Variants in CCDC171 observed in about 807,000 individuals in gnomAD.
The protein encoded by CCDC171 is coiled-coil domain containing 171.
CCDC171 carries 177 observed loss-of-function variants against 168.2 expected under a neutral mutation model. That is an observed-to-expected ratio of 1.05 (90% CI 0.93 to 1.19). CCDC171 has a LOEUF of 1.19. Among genes scored for constraint, CCDC171 ranks in the 50% most tolerant of loss-of-function variants. The pLI is 0.00. For missense variants in CCDC171, 1,991 were observed against 1,539.0 expected (o/e 1.29, Z -4.91); for synonymous variants, 687 against 540.8 (o/e 1.27, Z -3.75).
chr9:15,575,263 T>C (rs2131157508), intron 3 of CCDC171, among the ~76,000 whole-genome samples: 1 of 149,798 alleles, frequency 6.7e-6, no homozygotes, highest in South Asian at 2.1e-4. Flanking sequence ...CTCGAACTCC[T>C]GGACTCAAGT....
intron 10 of CCDC171, among the ~76,000 whole-genome samples, chr9:15,692,010 C>T (rs540958157): frequency 9.9e-5 from 15 of 152,268 alleles, no homozygotes; most frequent in Non-Finnish European, 2.1e-4. Context: ...TGCTAATTTC[C>T]AGAAGTCTCT....
rs776290732 is a variant in CCDC171 at position 15,958,124 on chromosome 9, A to T, written c.3754-13485A>T. ...CATTAACTCACTCATCCATTCATTC[A>T]TTCATTCATTCATTCATTCATTCAT... On this transcript the variant is annotated intron_variant, in intron 25 of 25. Coordinates refer to ENST00000380701, the MANE Select transcript of CCDC171 (RefSeq NM_173550.4). Among the ~76,000 whole-genome samples, 4 of 151,796 alleles carry T rather than the reference A, an allele frequency of 2.6e-5. No homozygotes were observed. In the East Asian group the frequency reaches 7.7e-4, roughly 29 times the overall value.
At chr9:15,697,955 A>G (rs76150080) in intron 11 of CCDC171, among the ~76,000 whole-genome samples, 134 of 152,340 alleles carry the variant, frequency 8.8e-4, no homozygotes, top group African/African-American at 3.1e-3. Context: ...TCATCAAATC[A>G]GGGTATTTAA....
chr9:15,569,746 C>T (rs1052535873), intron 2 of CCDC171, among the ~76,000 whole-genome samples: 5 of 151,074 alleles, frequency 3.3e-5, no homozygotes, highest in Non-Finnish European at 7.4e-5. Flanking sequence ...ACCCGGGAGG[C>T]GGAGCTTGCA....
rs762167760 is a variant in CCDC171, at chr9:15,727,875, C to A, written c.1699C>A (p.Leu567Ile). 6.3e-7 allele frequency: 1 copy of A among 1,599,840 alleles called. No individual in the cohort carries two copies. Among genetic ancestry groups the A allele is most frequent in the Non-Finnish European group, 8.5e-7 (1 of 1,174,716 alleles). ...TCTTTTTTTTTTCCTGCAGGAGAAG[C>A]TAACCTTCCTTCACACCTTATATCA... ...QAFHKDAEEK[L>I]TFLHTLYQHL... is the part of the protein sequence containing the mutation. The change falls in exon 15 of 26, where the codon CTA (leucine) becomes ATA (isoleucine). Residue 567 changes from leucine to isoleucine, a missense_variant. By Grantham distance (5) the Leu-to-Ile change is conservative (BLOSUM62 2). Coordinates refer to ENST00000380701, the MANE Select transcript of CCDC171 (RefSeq NM_173550.4).
intron 21 of CCDC171, among the ~76,000 whole-genome samples, chr9:15,813,599 C>A (rs1426134646): frequency 7.3e-6 from 1 of 136,618 alleles, no homozygotes; most frequent in Non-Finnish European, 1.6e-5. Context: ...CATACTTTTA[C>A]ATGTATTTGT....
chr9:15,645,971 A>T (rs1244493836), intron 7 of CCDC171, among the ~76,000 whole-genome samples: 1 of 152,166 alleles, frequency 6.6e-6, no homozygotes, highest in African/African-American at 2.4e-5. Context: ...TGAAATGAAG[A>T]TAAAAATGTT....
chr9:15,580,200 C>G (rs1425057720), intron 4 of CCDC171, among the ~76,000 whole-genome samples: 1 of 152,076 alleles, frequency 6.6e-6, no homozygotes, highest in East Asian at 1.9e-4. Flanking sequence ...TTATCTCTCA[C>G]CTTATATAAA....
At position 15,738,261 on chromosome 9, in the gene CCDC171, G is replaced by C. The variant is rs548287629; in HGVS notation, c.2050-6012G>C. Among the ~76,000 whole-genome samples the C allele has an allele frequency of 5.3e-5, 8 of 152,210 alleles. No individual in the cohort carries two copies. In the East Asian group the frequency reaches 1.4e-3, roughly 26 times the overall value. On this transcript the variant is annotated intron_variant, in intron 16 of 25. Coordinates refer to ENST00000380701, the MANE Select transcript of CCDC171 (RefSeq NM_173550.4). ...GTAAGCCAGTAAGGCATCCCTCAAA[G>C]TTCATGTATTTCAGGAAGTAAGTCC... is the stretch of plus-strand genomic sequence containing the variant.
At chr9:16,035,364 T>A (rs923348180) in intron 6 of CCDC171, 1 of 152,238 alleles carries the variant, frequency 6.6e-6, no homozygotes, top group Non-Finnish European at 1.5e-5. Flanking sequence ...AAATCTCTTA[T>A]GCAGTTATGT....
chr9:15,795,612 C>T (rs1392500782), intron 21 of CCDC171, among the ~76,000 whole-genome samples: 1 of 152,094 alleles, frequency 6.6e-6, no homozygotes, highest in Non-Finnish European at 1.5e-5. Context: ...AGCTGGAGGC[C>T]AGAGTTGATA....
chr9:15,671,198 T>TTGTG (rs2049083281), intron 9 of CCDC171, among the ~76,000 whole-genome samples: 1 of 152,198 alleles, frequency 6.6e-6, no homozygotes, highest in African/African-American at 2.4e-5. Flanking sequence ...AATCACTTAT[T>TTGTG]AAATTATTTG....
intron 7 of CCDC171, among the ~76,000 whole-genome samples, chr9:15,640,323 A>G (rs1326379417): frequency 1.3e-5 from 2 of 152,094 alleles, no homozygotes; most frequent in Non-Finnish European, 2.9e-5. Context: ...ACAAAGCAGC[A>G]TTAATTTTGT....
intron 6 of CCDC171, among the ~76,000 whole-genome samples, chr9:15,601,065 C>G (rs548886693): frequency 1.2e-4 from 19 of 152,310 alleles, no homozygotes; most frequent in African/African-American, 4.6e-4. Flanking sequence ...AGGGAATTCC[C>G]TGACCCCTTG....
intron 4 of CCDC171, among the ~76,000 whole-genome samples, chr9:15,582,353 GT>G (rs1428014008): frequency 6.6e-6 from 1 of 152,102 alleles, no homozygotes; most frequent in African/African-American, 2.4e-5. Flanking sequence ...TAGTTAAACT[GT>G]TGTGGAAGAC....
At chr9:15,567,428 T>G (rs1038854160) in intron 2 of CCDC171, among the ~76,000 whole-genome samples, 5 of 152,220 alleles carry the variant, frequency 3.3e-5, no homozygotes, top group African/African-American at 9.6e-5. Flanking sequence ...TTGAATTCTT[T>G]GTCTTTCCAT....
chr9:16,040,868 A>T (rs887767738), upstream of CCDC171, among the ~76,000 whole-genome samples: 1 of 152,158 alleles, frequency 6.6e-6, no homozygotes, highest in Non-Finnish European at 1.5e-5. Context: ...GAGACTCTGC[A>T]AAGATACTCT....
chr9:16,077,003 C>G, the CCDC171 span, among the ~76,000 whole-genome samples: 1 of 152,162 alleles, frequency 6.6e-6, no homozygotes, highest in East Asian at 1.9e-4. Flanking sequence ...CCCCTTTCCT[C>G]TTATGATATT....
chr9:15,806,131 G>T (rs147139100), intron 21 of CCDC171, among the ~76,000 whole-genome samples: 54 of 152,084 alleles, frequency 3.6e-4, no homozygotes, highest in African/African-American at 1.2e-3. Flanking sequence ...CTGTGTCTTT[G>T]CATGTGAGAT....
Sources: allele counts gnomAD v4.1 joint callset (sites outside exome capture counted in the v4.1 genomes callset), GRCh38; gene constraint gnomAD v4.1.1; transcripts MANE v1.5; gene names NCBI Gene and HGNC (gene_info 2026-07-23, HGNC 2026-07-21).